The following CEACAM5 variants were observed in gnomAD, a reference collection of about 807,000 sequenced individuals.
CEACAM5 encodes cell adhesion molecule CEACAM5.
A neutral mutation model predicts 63.0 loss-of-function variants in CEACAM5; 52 were observed. The observed-to-expected ratio is 0.83, with a 90% CI of 0.66 to 1.04. The LOEUF (loss-of-function observed/expected upper bound fraction) is 1.04. CEACAM5 is among the 50% of genes least tolerant of loss of function. The probability of loss-of-function intolerance (pLI) is 0.00; values close to 1 mark genes in which losing one functional copy is unlikely to be tolerated. For missense variants in CEACAM5, 790 were observed against 864.8 expected, an observed-to-expected ratio of 0.91 and a Z score of 1.08; for synonymous variants, 357 against 351.3, an observed-to-expected ratio of 1.02 and a Z score of -0.18.
intron 2 of CEACAM5, among the ~76,000 whole-genome samples, chr19:41,714,073 G>T (rs1485202887): frequency 6.6e-6 from 1 of 152,102 alleles, no homozygotes; most frequent in Non-Finnish European, 1.5e-5. Flanking sequence ...AATTTAGCTG[G>T]GTGTGGTGGT....
intron 2 of CEACAM5, among the ~76,000 whole-genome samples, chr19:41,712,566 C>T (rs1311736171): frequency 6.6e-6 from 1 of 152,220 alleles, no homozygotes; most frequent in African/African-American, 2.4e-5. Context: ...GGCATCATTT[C>T]TCCCTTTATG....
At position 41,714,727 on chromosome 19, in the gene CEACAM5, C is replaced by T. The variant is rs909618533; in HGVS notation, c.425-244C>T. Among the ~76,000 whole-genome samples the T allele has an allele frequency of 3.4e-4, 52 of 152,204 alleles. 2 individuals are homozygous for T. The highest frequency in any genetic ancestry group is 2.9e-5 in the Non-Finnish European group (2 of 68,024). The stretch of plus-strand genomic sequence containing the variant: ...TCCCCCCCAGTCCTGTGTCTGTTCA[C>T]AGCCCAATGCTGCTGCTTAATTCAC... On this transcript the variant is annotated intron_variant, in intron 2 of 9. Transcript: ENST00000221992.
chr19:41,722,895 G>T (rs76538398), intron 8 of CEACAM5, among the ~76,000 whole-genome samples: 2,246 of 145,900 alleles, frequency 0.015, 23 homozygotes, highest in African/African-American at 0.035. Context: ...TCTTTTTTTT[G>T]TTTGTTTGTT....
intron 2 of CEACAM5, 123 bp downstream of exon 2, chr19:41,710,162 C>T (rs2072413947): frequency 7.2e-7 from 1 of 1,385,090 alleles, no homozygotes; most frequent in South Asian, 1.4e-5. Flanking sequence ...AGGGTTTGGG[C>T]ATTTAGTGCA....
intron 2 of CEACAM5, among the ~76,000 whole-genome samples, chr19:41,711,101 G>A (rs1181727075): frequency 1.3e-5 from 2 of 152,150 alleles, no homozygotes; most frequent in African/African-American, 4.8e-5. Context: ...CCAGTCATGG[G>A]CTTGCGTTCT....
chr19:41,720,113 T>C lies in CEACAM5; in HGVS notation c.1676T>C (p.Phe559Ser). 1 of 1,614,180 alleles carries C rather than the reference T, an allele frequency of 6.2e-7. No individual in the cohort carries two copies. Among genetic ancestry groups the C allele is most frequent in the South Asian group, 1.1e-5 (1 of 91,082 alleles). ...LSNGNRTLTL[F>S]NVTRNDARAY... is the part of the protein sequence containing the mutation. ...AATGGCAACAGGACCCTCACTCTAT[T>C]CAATGTCACAAGAAATGACGCAAGA... is the stretch of plus-strand genomic sequence containing the variant. Residue 559 changes from phenylalanine to serine, a missense_variant, in exon 7 of 10, where the codon TTC becomes TCC. Physicochemically the swap from Phe to Ser is radical, Grantham distance 155. Coordinates refer to ENST00000221992, the MANE Select transcript of CEACAM5 (RefSeq NM_004363.6).
rs781970198 is a variant in CEACAM5, at chr19:41,720,043, G to A, written c.1606G>A (p.Val536Ile). The A allele has an allele frequency of 3.7e-6, 6 of 1,614,224 alleles. No individual in the cohort carries two copies. The Admixed American group carries it at 5.0e-5, about 13-fold the overall frequency. ...TCAGAACACAACCTACCTGTGGTGG[G>A]TAAATGGTCAGAGCCTCCCAGTCAG... ...EAQNTTYLWW[V>I]NGQSLPVSPR... is the part of the protein sequence containing the mutation. The change falls in exon 7 of 10, where the codon GTA becomes ATA. Residue 536 changes from valine to isoleucine, a missense_variant. Physicochemically the swap from Val to Ile is conservative, Grantham distance 29. Transcript: ENST00000221992.
At chr19:41,718,813 G>T (rs967556085) in intron 6 of CEACAM5, among the ~76,000 whole-genome samples, 6 of 152,250 alleles carry the variant, frequency 3.9e-5, no homozygotes, top group Admixed American at 3.3e-4. Flanking sequence ...ATGAGAGGAG[G>T]ATGCCCCTTG....
At chr19:41,722,466 C>A (rs1419783837) in intron 8 of CEACAM5, among the ~76,000 whole-genome samples, 1 of 151,926 alleles carries the variant, frequency 6.6e-6, no homozygotes, top group Non-Finnish European at 1.5e-5. Context: ...TCTTACCATA[C>A]TAAACCTCTG....
chr19:41,723,548 A>G (rs1555816617), intron 8 of CEACAM5, among the ~76,000 whole-genome samples: 1 of 152,212 alleles, frequency 6.6e-6, no homozygotes. Context: ...AGAGTTCTTC[A>G]TATATTCTGG....
Position 41,714,952 on chromosome 19 carries a change from C to T in CEACAM5, c.425-19C>T, listed in dbSNP as rs782563857. ...CAAAGGTGCCACACAGGGCAATCTT[C>T]TCTCTGTTATCTGCACAGCGGAGCT... On this transcript the variant is annotated intron_variant, in intron 2 of 9. Transcript: ENST00000221992. 2 of 1,614,004 alleles carry T rather than the reference C, an allele frequency of 1.2e-6. No homozygotes were observed. The highest frequency in any genetic ancestry group is 1.7e-6 in the Non-Finnish European group (2 of 1,179,904).
chr19:41,727,298 TG>T lies in CEACAM5; in HGVS notation c.2095del (p.Val699LeufsTer3). 3 of 1,613,980 alleles carry T rather than the reference TG, an allele frequency of 1.9e-6. No homozygotes were observed. The highest frequency in any genetic ancestry group is 2.5e-6 in the Non-Finnish European group (3 of 1,179,834). ...TCGGCATCATGATTGGAGTGCTGGT[TG>T]GGGTTGCTCTGATATAGCAGCCCTG... Reference protein sequence around the residue: ...TVGIMIGVLVGVALI With the variant: ...TVGIMIGVLVXVALI On this transcript the variant is annotated frameshift_variant, in exon 9 of 10. Coordinates refer to ENST00000221992, the MANE Select transcript of CEACAM5 (RefSeq NM_004363.6). LOFTEE classifies it high-confidence loss of function.
intron 2 of CEACAM5, among the ~76,000 whole-genome samples, chr19:41,710,942 G>A (rs2072426187): frequency 6.6e-6 from 1 of 152,178 alleles, no homozygotes; most frequent in Non-Finnish European, 1.5e-5. Flanking sequence ...AAAGGAAATT[G>A]AGGCACAGGG....
rs782807202 is a variant in CEACAM5, at chr19:41,715,839, C to T, written c.893C>T (p.Thr298Met). The change falls in exon 4 of 10, where the codon ACG (threonine) becomes ATG (methionine). Residue 298 changes from threonine (T) to methionine (M), a missense_variant. Coordinates refer to ENST00000221992, the MANE Select transcript of CEACAM5 (RefSeq NM_004363.6). ...NITVNNSGSY[T>M]CQAHNSDTGL... is the part of the protein sequence containing the mutation. ...ACTGTGAATAATAGTGGATCCTATA[C>T]GTGCCAAGCCCATAACTCAGACACT... The T allele has an allele frequency of 2.7e-5, 43 of 1,614,040 alleles. No homozygotes were observed. The highest frequency in any genetic ancestry group is 1.5e-4 in the South Asian group (14 of 91,090).
At chr19:41,723,187 C>G (rs1481120809) in intron 8 of CEACAM5, among the ~76,000 whole-genome samples, 2 of 152,196 alleles carry the variant, frequency 1.3e-5, no homozygotes. Context: ...GCTGGGATTA[C>G]AGGCATGAGC....
Position 41,715,788 on chromosome 19 carries a change from C to T in CEACAM5, c.842C>T (p.Thr281Ile), listed in dbSNP as rs1050523075. ...WFVNGTFQQS[T>I]QELFIPNITV... ...GTCAATGGGACTTTCCAGCAATCCA[C>T]CCAAGAGCTCTTTATCCCCAACATC... The change falls in exon 4 of 10, where the codon ACC (threonine) becomes ATC (isoleucine). Residue 281 changes from threonine to isoleucine, a missense_variant. Physicochemically the swap from Thr to Ile is moderately conservative, Grantham distance 89. Transcript: ENST00000221992. 10 of 1,614,218 alleles carry T rather than the reference C, an allele frequency of 6.2e-6. No individual in the cohort carries two copies. The highest frequency in any genetic ancestry group is 5.1e-6 in the Non-Finnish European group (6 of 1,180,040).
chr19:41,726,041 G>A (rs1225948371), intron 8 of CEACAM5, among the ~76,000 whole-genome samples: 1 of 152,116 alleles, frequency 6.6e-6, no homozygotes, highest in African/African-American at 2.4e-5. Context: ...GGAAATGGAG[G>A]AAAAATGAAA....
In CEACAM5 at chr19:41,729,339, G is replaced by T. The variant is rs2072742172; in HGVS notation, c.*192G>T. ...ATCTCTACTAAAAATACAAAAATGAGCTGGGCTTGGTGGCGCACACCTGTA... is the reference window on the plus strand; with the variant it reads ...ATCTCTACTAAAAATACAAAAATGATCTGGGCTTGGTGGCGCACACCTGTA... On this transcript the variant is annotated 3_prime_UTR_variant, in exon 10 of 10. Coordinates refer to ENST00000221992, the MANE Select transcript of CEACAM5 (RefSeq NM_004363.6). 1 of 152,044 alleles carries T rather than the reference G, an allele frequency of 6.6e-6. No homozygotes were observed. The allele number at this position is 152,044 out of a possible 1,614,324, so 9.4% of individuals were successfully genotyped here. A position where few individuals can be genotyped will look rare whatever the true frequency, so the allele number is the denominator to read the frequency against.
intron 4 of CEACAM5, among the ~76,000 whole-genome samples, chr19:41,716,224 A>G (rs772090104): frequency 2.7e-4 from 41 of 152,308 alleles, no homozygotes; most frequent in Admixed American, 1.4e-3. Context: ...CTCTGTCACC[A>G]ATGTGTCCCT....
Sources: gnomAD v4.1 joint callset for allele counts (sites outside exome capture counted in the v4.1 genomes callset) on GRCh38, gnomAD v4.1.1 for gene constraint, MANE v1.5 for transcripts, NCBI Gene and HGNC (gene_info 2026-07-23, HGNC 2026-07-21) for gene names.